Variants in DTHD1 observed in about 807,000 individuals in gnomAD.
DTHD1 encodes death domain containing 1.
A neutral mutation model predicts 74.8 loss-of-function variants in DTHD1; 59 were observed. That is an observed-to-expected ratio of 0.79 (90% CI 0.64 to 0.98). The LOEUF (loss-of-function observed/expected upper bound fraction) is 0.98. DTHD1 is among the 50% of genes least tolerant of loss of function. DTHD1 has a pLI of 0.00. For synonymous variants in DTHD1, 365 were observed against 371.1 expected (o/e 0.98, Z 0.19); for missense variants, 1,051 against 1,065.4 (o/e 0.99, Z 0.19).
At chr4:36,300,888 G>A (rs548924035) in intron 5 of DTHD1, among the ~76,000 whole-genome samples, 9 of 152,252 alleles carry the variant, frequency 5.9e-5, no homozygotes, top group African/African-American at 2.2e-4. Flanking sequence ...TGTTAAACTT[G>A]GAGGTAGTGT....
At chr4:36,329,402 G>T (rs928431373) in intron 8 of DTHD1, among the ~76,000 whole-genome samples, 3 of 152,142 alleles carry the variant, frequency 2.0e-5, no homozygotes, top group African/African-American at 7.2e-5. Flanking sequence ...TATCCATATG[G>T]TGACATCAGC....
At chr4:36,325,869 A>G (rs1758311736) in intron 8 of DTHD1, among the ~76,000 whole-genome samples, 1 of 152,206 alleles carries the variant, frequency 6.6e-6, no homozygotes, top group African/African-American at 2.4e-5. Flanking sequence ...TTGGAGGCCT[A>G]TCACTAGTTC....
At chr4:36,306,634 T>C (rs1307442647) in intron 6 of DTHD1, among the ~76,000 whole-genome samples, 1 of 152,176 alleles carries the variant, frequency 6.6e-6, no homozygotes, top group Non-Finnish European at 1.5e-5. Flanking sequence ...TGAAATACCA[T>C]GGAGATAGTA....
At chr4:36,317,275 G>A (rs1757790592) in intron 8 of DTHD1, among the ~76,000 whole-genome samples, 1 of 152,116 alleles carries the variant, frequency 6.6e-6, no homozygotes, top group South Asian at 2.1e-4. Context: ...CTGAAATAGG[G>A]GATGTGCTGC....
intron 5 of DTHD1, among the ~76,000 whole-genome samples, chr4:36,304,901 C>T (rs1756957250): frequency 6.6e-6 from 1 of 152,004 alleles, no homozygotes; most frequent in African/African-American, 2.4e-5. Context: ...ACCAAGGTAC[C>T]ACAGAAACAG....
chr4:36,332,944 C>A (rs934663979), intron 8 of DTHD1, among the ~76,000 whole-genome samples: 2 of 152,032 alleles, frequency 1.3e-5, no homozygotes, highest in African/African-American at 4.8e-5. Flanking sequence ...GAGAAGGAAC[C>A]AGTCTAGAAA....
At chr4:36,305,038 T>C (rs938672613) in intron 5 of DTHD1, among the ~76,000 whole-genome samples, 2 of 152,146 alleles carry the variant, frequency 1.3e-5, no homozygotes, top group African/African-American at 2.4e-5. Context: ...AAGTATCACA[T>C]GGTACATACA....
chr4:36,296,446 T>A (rs916190970), intron 5 of DTHD1, among the ~76,000 whole-genome samples: 8 of 151,556 alleles, frequency 5.3e-5, no homozygotes, highest in African/African-American at 1.9e-4. Context: ...GCAAAAAAAA[T>A]CAAAAGTAAA....
At chr4:36,301,722 G>A (rs770664346) in intron 5 of DTHD1, among the ~76,000 whole-genome samples, 2 of 151,914 alleles carry the variant, frequency 1.3e-5, no homozygotes, top group South Asian at 2.1e-4. Flanking sequence ...GAATCTGATC[G>A]TCCCTAGGAA....
chr4:36,299,725 G>A (rs183113563), intron 5 of DTHD1, among the ~76,000 whole-genome samples: 2 of 152,094 alleles, frequency 1.3e-5, no homozygotes, highest in Non-Finnish European at 2.9e-5. Context: ...CTGTCTCTAT[G>A]TGCCATATTC....
intron 1 of DTHD1, 22 bp from the exon 2 acceptor site, chr4:36,283,950 TTGTG>T: frequency 1.4e-6 from 2 of 1,434,160 alleles, no homozygotes; most frequent in Middle Eastern, 3.5e-4. Flanking sequence ...TATTTATTCT[TTGTG>T]TGTCCATGTA....
Position 36,316,393 on chromosome 4 carries a change from A to C in DTHD1, c.2247A>C (p.Lys749Asn). The change falls in exon 8 of 10, where the codon AAA becomes AAC. Residue 749 changes from lysine to asparagine, a missense_variant. By Grantham distance (94) the Lys-to-Asn change is moderately conservative. Coordinates refer to ENST00000639862, the MANE Select transcript of DTHD1 (RefSeq NM_001170700.3). ...KGTIVVYKVP[K>N]GKIVPNLNQS... is the part of the protein sequence containing the mutation. ...CCATTGTCGTTTATAAAGTACCTAAAGGAAAGATAGTCCCCAACTTGAATC... is the reference window on the plus strand; with the variant it reads ...CCATTGTCGTTTATAAAGTACCTAACGGAAAGATAGTCCCCAACTTGAATC... 1 of 1,552,162 alleles carries C rather than the reference A, an allele frequency of 6.4e-7. No homozygotes were observed. The highest frequency in any genetic ancestry group is 8.7e-7 in the Non-Finnish European group (1 of 1,147,088).
At position 36,343,476 on chromosome 4, in the gene DTHD1, G is replaced by T; in HGVS notation, c.2399-26G>T. Reference sequence around the variant, plus strand: ...CATCCCCCAGGAGAGGGTCCTAACCGTGAGTGTTCCTCCTGTGCCTGACAG... The same window carrying T: ...CATCCCCCAGGAGAGGGTCCTAACCTTGAGTGTTCCTCCTGTGCCTGACAG... On this transcript the variant is annotated intron_variant, in intron 9 of 9. Transcript: ENST00000639862. 4 of 1,542,608 alleles carry T rather than the reference G, an allele frequency of 2.6e-6. No homozygotes were observed. In the South Asian group the frequency reaches 3.6e-5, roughly 14 times the overall value.
At position 36,344,508 on chromosome 4, in the gene DTHD1, T is replaced by C. The variant is rs1173282201; in HGVS notation, c.*684T>C. On this transcript the variant is annotated 3_prime_UTR_variant, in exon 10 of 10. Transcript: ENST00000639862. ...TTATTATCTAAAGACCTGGAATCAA[T>C]AGGAAGGAAATGCCTGGGCTATGAT... 6.6e-6 allele frequency: 1 copy of C among 152,220 alleles called. No homozygotes were observed. Among genetic ancestry groups the C allele is most frequent in the Non-Finnish European group, 1.5e-5 (1 of 68,054 alleles). The allele number at this position is 152,220 out of a possible 1,614,324, so 9.4% of individuals were successfully genotyped here.
At chr4:36,308,151 A>G (rs1757164873) in intron 6 of DTHD1, 53 bp from the exon 7 acceptor site, 1 of 1,477,614 alleles carries the variant, frequency 6.8e-7, no homozygotes, top group Non-Finnish European at 9.1e-7. Flanking sequence ...GATATCAGTG[A>G]TGTTCTTGAC....
intron 3 of DTHD1, 36 bp from the exon 4 acceptor site, chr4:36,293,490 G>C (rs1272233980): frequency 6.9e-7 from 1 of 1,453,680 alleles, no homozygotes; most frequent in Non-Finnish European, 9.2e-7. Context: ...TCAAATCAGT[G>C]CTATAGCTTA....
chr4:36,331,688 A>G (rs1271024109), intron 8 of DTHD1, among the ~76,000 whole-genome samples: 1 of 152,228 alleles, frequency 6.6e-6, no homozygotes, highest in Admixed American at 6.5e-5. Context: ...GTCTTCATGC[A>G]TAAGTGCTCT....
intron 8 of DTHD1, among the ~76,000 whole-genome samples, chr4:36,328,109 A>G (rs1257417018): frequency 6.6e-6 from 1 of 152,180 alleles, no homozygotes; most frequent in Admixed American, 6.5e-5. Context: ...TGAAGCAAAG[A>G]TCTGAGCTAA....
In DTHD1 at chr4:36,284,201, G is replaced by C. The variant is rs1282003092; in HGVS notation, c.497G>C (p.Gly166Ala). The change falls in exon 2 of 10, where the codon GGA becomes GCA. Residue 166 changes from glycine (G) to alanine (A), a missense_variant. By Grantham distance (60) the Gly-to-Ala change is moderately conservative. Transcript: ENST00000639862. ...ACAGCTACTGTTTCTCCCACAAATG[G>C]AGAGGAAAGTCATTACACAAACCAG... ...IETATVSPTNGEESHYTNQVQ... is the reference protein window; with the variant it reads ...IETATVSPTNAEESHYTNQVQ... 1.3e-6 allele frequency: 2 copies of C among 1,537,050 alleles called. No individual in the cohort carries two copies. The highest frequency in any genetic ancestry group is 2.7e-5 in the African/African-American group (2 of 73,036).
Sources: allele counts gnomAD v4.1 joint callset (sites outside exome capture counted in the v4.1 genomes callset), GRCh38; gene constraint gnomAD v4.1.1; transcripts MANE v1.5; gene names NCBI Gene and HGNC (gene_info 2026-07-23, HGNC 2026-07-21).